Variants in PMS1 observed in about 807,000 individuals in gnomAD.
The protein encoded by PMS1 is PMS1 protein homolog 1.
A neutral mutation model predicts 93.1 loss-of-function variants in PMS1; 79 were observed. The observed-to-expected ratio is 0.85, with a 90% confidence interval of 0.71 to 1.02. The LOEUF is 1.02. Ranked by LOEUF, PMS1 falls within the 50% of genes least tolerant of loss-of-function variation. The pLI is 0.00. For missense variants in PMS1, 1,064 were observed against 1,085.3 expected (o/e 0.98, Z 0.28); for synonymous variants, 335 against 363.4 (o/e 0.92, Z 0.89).
chr2:189,865,896 C>T (rs1170837116), intron 10 of PMS1, among the ~76,000 whole-genome samples: 2 of 152,100 alleles, frequency 1.3e-5, no homozygotes, highest in Admixed American at 6.6e-5. Flanking sequence ...AAGCAGAAAT[C>T]ATTTATAAAA....
rs1204725054 is a variant in PMS1, at chr2:189,791,950, C to A, written c.132+9C>A. 6.2e-7 allele frequency: 1 copy of A among 1,612,976 alleles called. No individual in the cohort carries two copies. The highest frequency in any genetic ancestry group is 1.3e-5 in the African/African-American group (1 of 75,004). The stretch of plus-strand genomic sequence containing the variant: ...GCGTAGATGTTAAACTGGTGAGTGT[C>A]CTTGAGAACCCAAATACCTTTAAGA... On this transcript the variant is annotated intron_variant, in intron 2 of 12. Coordinates refer to ENST00000441310, the MANE Select transcript of PMS1 (RefSeq NM_000534.5).
At chr2:189,833,859 T>A (rs1422530543) in intron 5 of PMS1, among the ~76,000 whole-genome samples, 1 of 152,180 alleles carries the variant, frequency 6.6e-6, no homozygotes, top group South Asian at 2.1e-4. Flanking sequence ...ATTTTTACTT[T>A]TGAGGAAAAA....
At chr2:189,842,888 G>A (rs1474138701) in intron 5 of PMS1, among the ~76,000 whole-genome samples, 3 of 151,804 alleles carry the variant, frequency 2.0e-5, no homozygotes, top group African/African-American at 7.3e-5. Flanking sequence ...CTCAAGGGGG[G>A]AAATTACTAT....
chr2:189,873,107 C>A (rs2057290662), intron 11 of PMS1, among the ~76,000 whole-genome samples: 1 of 152,134 alleles, frequency 6.6e-6, no homozygotes, highest in Non-Finnish European at 1.5e-5. Flanking sequence ...AGAAATAATT[C>A]AGGCGTTTAG....
chr2:189,836,039 T>C (rs1216229655), intron 5 of PMS1, among the ~76,000 whole-genome samples: 6 of 152,162 alleles, frequency 3.9e-5, no homozygotes, highest in African/African-American at 1.4e-4. Context: ...GCCAATAATA[T>C]ATCCTCTTTA....
Position 189,844,274 on chromosome 2 carries a change from CT to C in PMS1, c.699+195del, listed in dbSNP as rs563359581. Among the ~76,000 whole-genome samples the C allele has an allele frequency of 4.6e-3, 705 of 152,246 alleles. 7 individuals carry two copies. Among genetic ancestry groups the C allele is most frequent in the South Asian group, 9.5e-3 (46 of 4,824 alleles). Reference sequence around the variant, plus strand: ...AGCCCTGCTTCCCTTTTTATCTTTTCTGTTTGTTGCTTACATTGATTTTCAA... The same window carrying C: ...AGCCCTGCTTCCCTTTTTATCTTTTCGTTTGTTGCTTACATTGATTTTCAA... On this transcript the variant is annotated intron_variant, in intron 6 of 12. Coordinates refer to ENST00000441310, the MANE Select transcript of PMS1 (RefSeq NM_000534.5).
intron 3 of PMS1, among the ~76,000 whole-genome samples, chr2:189,797,774 A>C (rs1302351423): frequency 6.6e-6 from 1 of 152,194 alleles, no homozygotes; most frequent in Non-Finnish European, 1.5e-5. Context: ...AGTCTTGCCA[A>C]GAATAATGAT....
intron 3 of PMS1, among the ~76,000 whole-genome samples, chr2:189,800,901 C>A (rs1306790175): frequency 6.6e-6 from 1 of 152,210 alleles, no homozygotes; most frequent in East Asian, 1.9e-4. Context: ...TAAAATACAT[C>A]TAATTCTTTG....
At chr2:189,856,263 A>G (rs911796002) in intron 9 of PMS1, among the ~76,000 whole-genome samples, 3 of 151,858 alleles carry the variant, frequency 2.0e-5, no homozygotes, top group African/African-American at 7.2e-5. Context: ...ACCACCAATC[A>G]TCTCATAGTC....
intron 11 of PMS1, among the ~76,000 whole-genome samples, chr2:189,872,624 G>GTTTTA (rs144522321): frequency 2.6e-5 from 4 of 151,982 alleles, no homozygotes; most frequent in East Asian, 1.9e-4. Context: ...CTAGTTTCTA[G>GTTTTA]TTTTATTTTA....
intron 12 of PMS1, among the ~76,000 whole-genome samples, chr2:189,875,385 T>C (rs1033893826): frequency 2.6e-5 from 4 of 151,900 alleles, no homozygotes; most frequent in Admixed American, 2.0e-4. Flanking sequence ...ATATGAAAAG[T>C]TGGCCCTCCG....
chr2:189,808,052 A>G (rs2050499561), intron 4 of PMS1, among the ~76,000 whole-genome samples: 1 of 152,180 alleles, frequency 6.6e-6, no homozygotes, highest in Non-Finnish European at 1.5e-5. Context: ...ATTGAATCAC[A>G]TACTCATATT....
chr2:189,805,457 TA>T (rs567419679), intron 3 of PMS1, among the ~76,000 whole-genome samples, 194 bp from the exon 4 acceptor site: 1 of 151,920 alleles, frequency 6.6e-6, no homozygotes, highest in Non-Finnish European at 1.5e-5. Flanking sequence ...ATTTGCAACA[TA>T]AAAAAAATAC....
At chr2:189,862,050 C>T (rs1282164346) in intron 9 of PMS1, among the ~76,000 whole-genome samples, 1 of 151,952 alleles carries the variant, frequency 6.6e-6, no homozygotes, top group African/African-American at 2.4e-5. Context: ...GATTATCAAC[C>T]CTAATTTCTT....
intron 9 of PMS1, among the ~76,000 whole-genome samples, chr2:189,862,592 T>C (rs1408766463): frequency 6.6e-6 from 1 of 152,212 alleles, no homozygotes; most frequent in East Asian, 1.9e-4. Context: ...GATTCTGTTA[T>C]CTTCTTCTGA....
intron 4 of PMS1, among the ~76,000 whole-genome samples, chr2:189,815,947 G>T (rs1191034208): frequency 6.6e-6 from 1 of 152,048 alleles, no homozygotes; most frequent in Non-Finnish European, 1.5e-5. Context: ...TCTGTCACCC[G>T]GGCTTGAGTG....
At chr2:189,799,942 C>T (rs563656092) in intron 3 of PMS1, among the ~76,000 whole-genome samples, 2 of 152,330 alleles carry the variant, frequency 1.3e-5, no homozygotes, top group South Asian at 2.1e-4. Context: ...TCAGAATGAG[C>T]TTCATGGATT....
intron 7 of PMS1, 96 bp downstream of exon 7, chr2:189,852,873 AG>A: frequency 1.3e-6 from 1 of 787,244 alleles, no homozygotes; most frequent in East Asian, 2.6e-5. Flanking sequence ...ATAAAAAAAA[AG>A]AAATACAATG....
intron 5 of PMS1, among the ~76,000 whole-genome samples, chr2:189,835,114 G>A (rs539249886): frequency 1.3e-5 from 2 of 152,266 alleles, no homozygotes; most frequent in Non-Finnish European, 2.9e-5. Flanking sequence ...TCTTTCATCT[G>A]CCTAGCTCCT....
Sources: gnomAD v4.1 joint callset for allele counts (sites outside exome capture counted in the v4.1 genomes callset) on GRCh38, gnomAD v4.1.1 for gene constraint, MANE v1.5 for transcripts, NCBI Gene and HGNC (gene_info 2026-07-23, HGNC 2026-07-21) for gene names.